Variants in IL1RAPL2 observed in about 807,000 individuals in gnomAD.
The protein encoded by IL1RAPL2 is interleukin 1 receptor accessory protein like 2, also known as X-linked interleukin-1 receptor accessory protein-like 2.
A neutral mutation model predicts 44.1 loss-of-function variants in IL1RAPL2; 3 were observed. The observed-to-expected ratio is 0.07, with a 90% CI of 0.03 to 0.18. The LOEUF is 0.18. Among genes scored for constraint, IL1RAPL2 ranks in the 10% least tolerant of loss-of-function variants. IL1RAPL2 has a pLI of 1.00. For synonymous variants in IL1RAPL2, 181 were observed against 178.8 expected (o/e 1.01, Z -0.10); for missense variants, 391 against 496.4 (o/e 0.79, Z 2.02).
intron 5 of IL1RAPL2, among the ~76,000 whole-genome samples, chrX:105,390,248 G>C (rs930397696): frequency 9.0e-6 from 1 of 111,021 alleles, no homozygotes; most frequent in South Asian, 3.8e-4. Context: ...TGGACTTTGT[G>C]ATCCAGCCCC....
At chrX:105,687,550 G>A (rs922496908) in intron 6 of IL1RAPL2, among the ~76,000 whole-genome samples, 1 of 111,434 alleles carries the variant, frequency 9.0e-6, no homozygotes, top group Non-Finnish European at 1.9e-5. Context: ...TCTCTGAATA[G>A]ACCAATAATA....
intron 3 of IL1RAPL2, among the ~76,000 whole-genome samples, chrX:105,204,320 C>G (rs908280970): frequency 2.4e-4 from 27 of 111,329 alleles, no homozygotes; most frequent in African/African-American, 8.2e-4. Context: ...TTATTGCTAG[C>G]TACGGTGTAC....
intron 2 of IL1RAPL2, among the ~76,000 whole-genome samples, chrX:104,785,534 C>G (rs1306262227): frequency 1.8e-5 from 2 of 111,460 alleles, no homozygotes; most frequent in African/African-American, 6.5e-5. Context: ...TGTCTATCTT[C>G]TCCCTCCTTA....
intron 2 of IL1RAPL2, among the ~76,000 whole-genome samples, chrX:105,016,075 A>C (rs1328895054): frequency 9.0e-6 from 1 of 111,204 alleles, no homozygotes; most frequent in African/African-American, 3.3e-5. Flanking sequence ...CTTTGTAGCA[A>C]TTGTGAATGG....
rs190330606 is a variant in IL1RAPL2 at position 104,711,290 on chromosome X, A to G, written c.82+52295A>G. ...ACTGTATGCATGTTCTGAGATATAC[A>G]CACACCCATTAAAGCTATTGATCTT... On this transcript the variant is annotated intron_variant, in intron 2 of 10. Coordinates refer to ENST00000372582, the MANE Select transcript of IL1RAPL2 (RefSeq NM_017416.2). 2.4e-4 allele frequency among the ~76,000 whole-genome samples: 27 copies of G among 111,333 alleles called. No homozygotes were observed. The East Asian group carries it at 4.3e-3, about 18-fold the overall frequency.
intron 6 of IL1RAPL2, among the ~76,000 whole-genome samples, chrX:105,552,038 G>A (rs931049016): frequency 1.8e-5 from 2 of 108,756 alleles, no homozygotes; most frequent in South Asian, 4.1e-4. Flanking sequence ...CCTGGGAGGC[G>A]GAGCTTGTAG....
chrX:104,860,490 T>C (rs1015831679), intron 2 of IL1RAPL2, among the ~76,000 whole-genome samples: 1 of 111,927 alleles, frequency 8.9e-6, no homozygotes, highest in African/African-American at 3.2e-5. Flanking sequence ...ACCAAAGATG[T>C]ATAAAACATC....
chrX:104,673,591 G>C (rs1930669552), intron 2 of IL1RAPL2, among the ~76,000 whole-genome samples: 1 of 110,700 alleles, frequency 9.0e-6, no homozygotes, highest in African/African-American at 3.3e-5. Flanking sequence ...GCTCTTTTTT[G>C]GTTCCATATG....
chrX:105,006,469 G>A (rs1644030571), intron 2 of IL1RAPL2, among the ~76,000 whole-genome samples: 2 of 110,627 alleles, frequency 1.8e-5, no homozygotes, highest in African/African-American at 6.6e-5. Flanking sequence ...ATTTCTTGTT[G>A]AATTCAAACA....
At chrX:105,681,474 T>G (rs1485185835) in intron 6 of IL1RAPL2, among the ~76,000 whole-genome samples, 2 of 112,237 alleles carry the variant, frequency 1.8e-5, no homozygotes, top group Admixed American at 1.9e-4. Flanking sequence ...ATTTACATCA[T>G]AGGCCAGGCA....
chrX:105,189,150 A>G (rs1417644248), intron 2 of IL1RAPL2, among the ~76,000 whole-genome samples: 2 of 112,981 alleles, frequency 1.8e-5, no homozygotes, highest in Non-Finnish European at 3.7e-5. Context: ...CAATAAGTAA[A>G]ATATACACAA....
At chrX:105,081,351 A>G (rs2032403681) in intron 2 of IL1RAPL2, among the ~76,000 whole-genome samples, 1 of 111,326 alleles carries the variant, frequency 9.0e-6, no homozygotes, top group Non-Finnish European at 1.9e-5. Context: ...AGTAAGGGAT[A>G]TTTGAGGGCT....
chrX:104,666,765 C>T (rs771261818), intron 2 of IL1RAPL2, among the ~76,000 whole-genome samples: 6 of 111,431 alleles, frequency 5.4e-5, no homozygotes, highest in African/African-American at 1.6e-4. Context: ...TTGCCCTAAA[C>T]GAAGTATGTG....
At chrX:104,970,393 A>C (rs1335352508) in intron 2 of IL1RAPL2, among the ~76,000 whole-genome samples, 2 of 112,111 alleles carry the variant, frequency 1.8e-5, no homozygotes, top group Non-Finnish European at 3.8e-5. Context: ...AGGAACTTTT[A>C]TTGAAACAGC....
intron 2 of IL1RAPL2, among the ~76,000 whole-genome samples, chrX:105,041,566 G>A (rs191019240): frequency 1.2e-4 from 13 of 110,243 alleles, no homozygotes; most frequent in African/African-American, 3.0e-4. Flanking sequence ...ACTGCTCAAC[G>A]AAATAAAAGA....
At chrX:105,259,925 T>G (rs886558932) in intron 4 of IL1RAPL2, among the ~76,000 whole-genome samples, 9 of 111,795 alleles carry the variant, frequency 8.1e-5, no homozygotes, top group African/African-American at 2.9e-4. Flanking sequence ...GAGGCCTGCT[T>G]TAGTCAGTAG....
intron 6 of IL1RAPL2, among the ~76,000 whole-genome samples, chrX:105,685,241 G>C (rs2037960475): frequency 9.0e-6 from 1 of 111,565 alleles, no homozygotes; most frequent in Non-Finnish European, 1.9e-5. Context: ...CAGAAGGTCG[G>C]TAATAACAAA....
intron 7 of IL1RAPL2, among the ~76,000 whole-genome samples, chrX:105,735,870 AT>A (rs1204499316): frequency 1.8e-5 from 2 of 111,811 alleles, no homozygotes; most frequent in Non-Finnish European, 3.8e-5. Context: ...TCTTCACGGA[AT>A]TAGAAAAAAC....
intron 6 of IL1RAPL2, among the ~76,000 whole-genome samples, chrX:105,565,413 T>G (rs2036967484): frequency 9.0e-6 from 1 of 111,644 alleles, no homozygotes; most frequent in Non-Finnish European, 1.9e-5. Flanking sequence ...CAATAAATTC[T>G]ATTCTACCAT....
Sources: allele counts gnomAD v4.1 joint callset (sites outside exome capture counted in the v4.1 genomes callset), GRCh38; gene constraint gnomAD v4.1.1; transcripts MANE v1.5; gene names NCBI Gene and HGNC (gene_info 2026-07-23, HGNC 2026-07-21).